CCDC171: variants seen among roughly 807,000 people sequenced by gnomAD.
CCDC171 encodes the protein coiled-coil domain containing 171, also known as coiled-coil domain-containing protein 171.
Under a neutral mutation model 168.2 loss-of-function variants are expected in CCDC171, and 177 were observed. The observed-to-expected ratio is 1.05, with a 90% CI of 0.93 to 1.19. The LOEUF is 1.19. Ranked by LOEUF, CCDC171 falls within the 50% of genes most tolerant of loss-of-function variation. The probability of loss-of-function intolerance (pLI) is 0.00; values close to 1 mark genes in which losing one functional copy is unlikely to be tolerated. For missense variants in CCDC171, 1,991 were observed against 1,539.0 expected (o/e 1.29, Z -4.91); for synonymous variants, 687 against 540.8 (o/e 1.27, Z -3.75).
rs200110488 is a variant in CCDC171, at chr9:15,666,152, T to C, written c.916-11T>C. 2 of 1,610,946 alleles carry C rather than the reference T, an allele frequency of 1.2e-6. No homozygotes were observed. The highest frequency in any genetic ancestry group is 2.7e-5 in the African/African-American group (2 of 74,868). On this transcript the variant is annotated splice_polypyrimidine_tract_variant and intron_variant, in intron 8 of 25. Transcript: ENST00000380701. ...TTAGCTTGATTTAATTACTTGTCTGTCGTCCGGTAGTTACGGATTCGAGAC... is the reference window on the plus strand; with the variant it reads ...TTAGCTTGATTTAATTACTTGTCTGCCGTCCGGTAGTTACGGATTCGAGAC...
chr9:15,985,237 C>T (rs1039169641), intron 3 of CCDC171, among the ~76,000 whole-genome samples: 2 of 152,228 alleles, frequency 1.3e-5, no homozygotes, highest in Middle Eastern at 3.4e-3. Context: ...AGTAATAATG[C>T]AGTACACCAA....
At chr9:15,799,916 C>A (rs1477410995) in intron 21 of CCDC171, among the ~76,000 whole-genome samples, 1 of 152,060 alleles carries the variant, frequency 6.6e-6, no homozygotes, top group Non-Finnish European at 1.5e-5. Flanking sequence ...AACATAATGA[C>A]CTCCAGTTCC....
intron 21 of CCDC171, among the ~76,000 whole-genome samples, chr9:15,823,297 A>G (rs921550282): frequency 1.3e-5 from 2 of 152,160 alleles, no homozygotes; most frequent in African/African-American, 4.8e-5. Flanking sequence ...CACGTTGTGC[A>G]CTTGTACCCT....
intron 9 of CCDC171, among the ~76,000 whole-genome samples, chr9:15,672,293 T>A (rs1443852984): frequency 1.3e-5 from 2 of 152,232 alleles, no homozygotes; most frequent in Non-Finnish European, 2.9e-5. Context: ...TCTCCCATTC[T>A]GTAAGTTGCC....
Position 15,700,841 on chromosome 9 carries a change from T to C in CCDC171, c.1318+5504T>C, listed in dbSNP as rs1258654417. On this transcript the variant is annotated intron_variant, in intron 11 of 25. Transcript: ENST00000380701. The stretch of plus-strand genomic sequence containing the variant: ...CTATTTTCATAATAGCTGTACTAAT[T>C]TACATTCCCACCAACAATGTATAAG... Among the ~76,000 whole-genome samples the C allele has an allele frequency of 2.0e-5, 3 of 152,170 alleles. No individual in the cohort carries two copies. In the East Asian group the frequency reaches 5.8e-4, roughly 29 times the overall value.
At chr9:15,648,820 G>C (rs575176934) in intron 7 of CCDC171, among the ~76,000 whole-genome samples, 7 of 152,244 alleles carry the variant, frequency 4.6e-5, no homozygotes, top group Non-Finnish European at 5.9e-5. Flanking sequence ...TGGCCATACT[G>C]CCCAAGGTAA....
At chr9:15,998,468 T>C (rs1041786520) in intron 3 of CCDC171, among the ~76,000 whole-genome samples, 1 of 152,182 alleles carries the variant, frequency 6.6e-6, no homozygotes, top group Non-Finnish European at 1.5e-5. Flanking sequence ...CAGATAGTGA[T>C]GTGTGGCTGA....
chr9:15,596,027 G>A (rs2042321980), intron 6 of CCDC171, among the ~76,000 whole-genome samples: 1 of 152,022 alleles, frequency 6.6e-6, no homozygotes, highest in Admixed American at 6.6e-5. Flanking sequence ...TGAGTTCTTT[G>A]TAGATTCTGG....
At chr9:15,727,678 G>A (rs1485678985) in intron 14 of CCDC171, among the ~76,000 whole-genome samples, 191 bp from the exon 15 acceptor site, 2 of 152,062 alleles carry the variant, frequency 1.3e-5, no homozygotes, top group Non-Finnish European at 2.9e-5. Context: ...AATACCAAGT[G>A]TAAGCAATTC....
At chr9:15,857,583 C>T (rs114884413) in intron 23 of CCDC171, among the ~76,000 whole-genome samples, 2,142 of 151,790 alleles carry the variant, frequency 0.014, 63 homozygotes, top group African/African-American at 0.048. Context: ...CCACCATGAC[C>T]GGCTAATTTT....
chr9:15,672,577 C>G (rs924466549), intron 9 of CCDC171, among the ~76,000 whole-genome samples: 3 of 152,094 alleles, frequency 2.0e-5, no homozygotes, highest in African/African-American at 7.2e-5. Context: ...TATGGCTAGC[C>G]AATTTCTGAA....
intron 25 of CCDC171, among the ~76,000 whole-genome samples, chr9:15,952,996 A>G (rs1483608674): frequency 6.6e-6 from 1 of 152,154 alleles, no homozygotes; most frequent in Non-Finnish European, 1.5e-5. Flanking sequence ...TTGTTAGGGT[A>G]TGGAAATGTA....
At chr9:15,927,611 T>C (rs1424702185) in intron 25 of CCDC171, among the ~76,000 whole-genome samples, 1 of 151,706 alleles carries the variant, frequency 6.6e-6, no homozygotes, top group African/African-American at 2.4e-5. Context: ...TTAGTGTCTT[T>C]GCGGGAGAAA....
At chr9:15,555,378 T>C (rs2038703460) in intron 1 of CCDC171, among the ~76,000 whole-genome samples, 1 of 152,196 alleles carries the variant, frequency 6.6e-6, no homozygotes, top group African/African-American at 2.4e-5. Flanking sequence ...TCCAGAACTG[T>C]GAAGGTGCTA....
rs143014001 is a variant in CCDC171 at position 15,660,437 on chromosome 9, C to T, written c.915+3218C>T. On this transcript the variant is annotated intron_variant, in intron 8 of 25. Coordinates refer to ENST00000380701, the MANE Select transcript of CCDC171 (RefSeq NM_173550.4). ...TGTCACCCAGGTATTCAGCATAGCA[C>T]CCAATTGTTAATTTTTCAACTCTTG... 1.2e-3 allele frequency among the ~76,000 whole-genome samples: 176 copies of T among 152,252 alleles called. 1 individual carries two copies. Among genetic ancestry groups the T allele is most frequent in the Admixed American group, 3.9e-3 (60 of 15,292 alleles).
intron 21 of CCDC171, among the ~76,000 whole-genome samples, chr9:15,809,775 A>G (rs2059252018): frequency 6.6e-6 from 1 of 152,194 alleles, no homozygotes; most frequent in African/African-American, 2.4e-5. Context: ...GCAAAGAGCG[A>G]AAGAACAAAG....
intron 7 of CCDC171, among the ~76,000 whole-genome samples, chr9:15,656,896 G>C (rs568558766): frequency 2.6e-5 from 4 of 151,740 alleles, no homozygotes; most frequent in Non-Finnish European, 5.9e-5. Context: ...TTTTCACTAT[G>C]TGTAGGTTAT....
intron 7 of CCDC171, among the ~76,000 whole-genome samples, chr9:15,629,718 A>G (rs766624874): frequency 1.3e-5 from 2 of 152,320 alleles, no homozygotes; most frequent in East Asian, 1.9e-4. Context: ...TCTAAGACAC[A>G]TAATTGTCAG....
At chr9:15,772,474 G>T (rs2057066334) in intron 18 of CCDC171, among the ~76,000 whole-genome samples, 1 of 151,988 alleles carries the variant, frequency 6.6e-6, no homozygotes, top group Admixed American at 6.5e-5. Flanking sequence ...CTATATTCAC[G>T]TTTCTCAAAT....
Sources: allele counts gnomAD v4.1 joint callset (sites outside exome capture counted in the v4.1 genomes callset), GRCh38; gene constraint gnomAD v4.1.1; transcripts MANE v1.5; gene names NCBI Gene and HGNC (gene_info 2026-07-23, HGNC 2026-07-21).